Variants in CMAS observed in about 807,000 individuals in gnomAD.
CMAS encodes the protein N-acylneuraminate cytidylyltransferase.
Under a neutral mutation model 53.4 loss-of-function variants are expected in CMAS, and 21 were observed. The observed-to-expected ratio is 0.39, with a 90% confidence interval of 0.28 to 0.57. The LOEUF is 0.57. Ranked by LOEUF, CMAS falls within the 20% of genes least tolerant of loss-of-function variation. CMAS has a pLI of 0.56. For missense variants in CMAS, 384 were observed against 534.9 expected (o/e 0.72, Z 2.78); for synonymous variants, 189 against 195.2 (o/e 0.97, Z 0.27).
intron 3 of CMAS, among the ~76,000 whole-genome samples, chr12:22,056,070 C>T (rs1297489091): frequency 6.6e-6 from 1 of 152,122 alleles, no homozygotes; most frequent in African/African-American, 2.4e-5. Flanking sequence ...ATTTTGCCTG[C>T]CATGTCCAGT....
chr12:22,055,362 T>G lies in CMAS; in HGVS notation c.403+71T>G, dbSNP rs1273473434. 2.7e-6 allele frequency: 4 copies of G among 1,481,128 alleles called. No individual in the cohort carries two copies. In the East Asian group the frequency reaches 9.4e-5, roughly 35 times the overall value. The allele number at this position is 1,481,128 out of a possible 1,614,324, so 91.7% of individuals were successfully genotyped here. A position where few individuals can be genotyped will look rare whatever the true frequency, so the allele number is the denominator to read the frequency against. On this transcript the variant is annotated intron_variant, in intron 2 of 7. Coordinates refer to ENST00000229329, the MANE Select transcript of CMAS (RefSeq NM_018686.6). ...TACTTCCTTTATTATCTTATAAGAC[T>G]TGTTTTAACATTTGAATTCCAAACC...
chr12:22,054,740 T>G (rs1006910813), intron 1 of CMAS, among the ~76,000 whole-genome samples: 2 of 152,116 alleles, frequency 1.3e-5, no homozygotes, highest in African/African-American at 4.8e-5. Context: ...TAAAAACGTT[T>G]ATTTTAGGTT....
intron 6 of CMAS, 148 bp downstream of exon 6, chr12:22,061,600 A>G: frequency 6.2e-6 from 3 of 480,530 alleles, no homozygotes; most frequent in Non-Finnish European, 1.1e-5. Context: ...TTATTATACT[A>G]TTTAGTTTTA....
rs1309683852 is a variant in CMAS at position 22,046,248 on chromosome 12, T to C, written c.-56T>C. The C allele has an allele frequency of 1.5e-6, 2 of 1,377,174 alleles. No homozygotes were observed. The highest frequency in any genetic ancestry group is 1.9e-6 in the Non-Finnish European group (2 of 1,061,606). The allele number at this position is 1,377,174 out of a possible 1,614,324, so 85.3% of individuals were successfully genotyped here. ...GGGATCGGGCGGCGCCGAGCTGAGG[T>C]GGTGAGGGACTAGCTCCCGGATGTG... On this transcript the variant is annotated 5_prime_UTR_variant, in exon 1 of 8. Transcript: ENST00000229329.
At chr12:22,063,682 A>T (rs1175740089) in intron 7 of CMAS, 2 of 150,844 alleles carry the variant, frequency 1.3e-5, no homozygotes, top group African/African-American at 5.0e-5. Context: ...TCTATTTTTT[A>T]AAAAAATATT....
chr12:22,063,742 C>A (rs1211399879), intron 7 of CMAS: 1 of 151,320 alleles, frequency 6.6e-6, no homozygotes, highest in Non-Finnish European at 1.5e-5. Context: ...AAAACACACA[C>A]ACACACACTT....
chr12:22,062,318 C>T lies in CMAS; in HGVS notation c.998C>T (p.Thr333Met), dbSNP rs1352674810. The T allele has an allele frequency of 3.1e-6, 5 of 1,609,188 alleles. No individual in the cohort carries two copies. The highest frequency in any genetic ancestry group is 4.2e-6 in the Non-Finnish European group (5 of 1,178,198). The part of the protein sequence containing the change: ...LISERACSKQ[T>M]LSSLKLDCKM... Reference sequence around the variant, plus strand: ...TCAGAAAGGGCCTGTTCAAAGCAGACGCTGTCTTCTTTAAAACTGGATTGC... The same window carrying T: ...TCAGAAAGGGCCTGTTCAAAGCAGATGCTGTCTTCTTTAAAACTGGATTGC... The change falls in exon 7 of 8, where the codon ACG becomes ATG. Residue 333 changes from threonine (T) to methionine (M), a missense_variant. Transcript: ENST00000229329.
chr12:22,059,968 T>G (rs539614652), intron 4 of CMAS, among the ~76,000 whole-genome samples: 1 of 152,148 alleles, frequency 6.6e-6, no homozygotes, highest in Non-Finnish European at 1.5e-5. Context: ...CCCTTGCCTT[T>G]GCCTGCATGT....
chr12:22,050,915 A>G (rs747629482), intron 1 of CMAS, among the ~76,000 whole-genome samples: 9 of 152,000 alleles, frequency 5.9e-5, no homozygotes, highest in East Asian at 1.9e-4. Context: ...CTTATATTCA[A>G]TTGACTTACT....
rs1407223901 is a variant in CMAS, at chr12:22,060,814, C to T, written c.694-18C>T. On this transcript the variant is annotated intron_variant, in intron 4 of 7. Transcript: ENST00000229329. ...TGAATATTAAAAACAGTATTCATGA[C>T]ATTTATACTACCTTTAGGGTGGAAA... 1 of 1,429,590 alleles carries T rather than the reference C, an allele frequency of 7.0e-7. No individual in the cohort carries two copies. The highest frequency in any genetic ancestry group is 1.7e-5 in the Admixed American group (1 of 59,660). The allele number at this position is 1,429,590 out of a possible 1,614,324, so 88.6% of individuals were successfully genotyped here.
intron 1 of CMAS, among the ~76,000 whole-genome samples, chr12:22,053,645 C>T (rs1434803646): frequency 1.3e-5 from 2 of 150,568 alleles, no homozygotes; most frequent in East Asian, 2.0e-4. Context: ...TTTGGGAGGC[C>T]GAGACGGGCG....
intron 4 of CMAS, among the ~76,000 whole-genome samples, chr12:22,060,449 A>G (rs945832343): frequency 1.3e-5 from 2 of 150,820 alleles, no homozygotes; most frequent in Non-Finnish European, 2.9e-5. Flanking sequence ...CAGGTTTCCA[A>G]GACCAGCCTT....
chr12:22,051,214 AT>A (rs796882471), intron 1 of CMAS, among the ~76,000 whole-genome samples: 5 of 152,128 alleles, frequency 3.3e-5, no homozygotes, highest in African/African-American at 1.2e-4. Context: ...TGCTGAGATA[AT>A]TTTTTTTCCT....
At position 22,059,301 on chromosome 12, in the gene CMAS, TCTTAA is replaced by T. The variant is rs1210760018; in HGVS notation, c.693+605_693+609del. On this transcript the variant is annotated intron_variant, in intron 4 of 7. Coordinates refer to ENST00000229329, the MANE Select transcript of CMAS (RefSeq NM_018686.6). ...CTGCAACATGGTTGCATCATATATT[TCTTAA>T]CTTGTTAATTTTAGTTATCATTATT... Among the ~76,000 whole-genome samples, 5 of 152,054 alleles carry T rather than the reference TCTTAA, an allele frequency of 3.3e-5. No individual in the cohort carries two copies. In the South Asian group the frequency reaches 8.3e-4, roughly 25 times the overall value.
chr12:22,061,653 CTTG>C (rs1950309116), intron 6 of CMAS, among the ~76,000 whole-genome samples: 1 of 152,206 alleles, frequency 6.6e-6, no homozygotes, highest in East Asian at 1.9e-4. Context: ...AATAATATTT[CTTG>C]TTTATTCAGT....
At position 22,058,559 on chromosome 12, in the gene CMAS, G is replaced by T. The variant is rs1366965592; in HGVS notation, c.560-8G>T. The T allele has an allele frequency of 1.2e-6, 2 of 1,601,704 alleles. No homozygotes were observed. The highest frequency in any genetic ancestry group is 1.7e-5 in the Admixed American group (1 of 57,310). The stretch of plus-strand genomic sequence containing the variant: ...CAACGTGGACTTACTCTAACTTTTT[G>T]CTTTTAGTTCGTGAAGTGACCGAAC... On this transcript the variant is annotated splice_polypyrimidine_tract_variant and splice_region_variant and intron_variant, in intron 3 of 7. Transcript: ENST00000229329.
At chr12:22,061,863 A>G (rs1950310112) in intron 6 of CMAS, among the ~76,000 whole-genome samples, 1 of 152,156 alleles carries the variant, frequency 6.6e-6, no homozygotes, top group African/African-American at 2.4e-5. Context: ...ATTTTTTTAA[A>G]TGAAAGCTAG....
At chr12:22,057,226 TACACACACACACATACACACACACACAC>T (rs1950273888) in intron 3 of CMAS, among the ~76,000 whole-genome samples, 2 of 133,854 alleles carry the variant, frequency 1.5e-5, no homozygotes, top group African/African-American at 5.8e-5. Context: ...AACCAGCTAT[TACACACACACACATACACACACACACAC>T]ACACACACAC....
In CMAS at chr12:22,060,878, A is replaced by T; in HGVS notation, c.740A>T (p.Asp247Val). 6.2e-7 allele frequency: 1 copy of T among 1,612,454 alleles called. No individual in the cohort carries two copies. Among genetic ancestry groups the T allele is most frequent in the Non-Finnish European group, 8.5e-7 (1 of 1,178,694 alleles). Residue 247 changes from aspartate (D) to valine (V), a missense_variant, in exon 5 of 8, where the codon GAT becomes GTT. Physicochemically the swap from Asp to Val is radical, Grantham distance 152. Transcript: ENST00000229329. ...GAAATGCGAGCTGAACATAGTGTGG[A>T]TATAGATGTGGATATTGATTGGCCT... ...YYEMRAEHSVDIDVDIDWPIA... is the reference protein window; with the variant it reads ...YYEMRAEHSVVIDVDIDWPIA...
Sources: allele counts gnomAD v4.1 joint callset (sites outside exome capture counted in the v4.1 genomes callset), GRCh38; gene constraint gnomAD v4.1.1; transcripts MANE v1.5; gene names NCBI Gene and HGNC (gene_info 2026-07-23, HGNC 2026-07-21).